GXYLT1: variants seen among roughly 807,000 people sequenced by gnomAD.
GXYLT1 encodes glucoside xylosyltransferase 1.
GXYLT1 carries 29 observed loss-of-function variants against 54.0 expected under a neutral mutation model. The ratio of observed to expected loss-of-function variants is 0.54; its 90% confidence interval spans 0.40 to 0.73. The LOEUF is 0.73. Among genes scored for constraint, GXYLT1 ranks in the 30% least tolerant of loss-of-function variants. The pLI, the probability that GXYLT1 is intolerant of heterozygous loss-of-function variation, is 0.00. For synonymous variants in GXYLT1, 176 were observed against 204.1 expected (o/e 0.86, Z 1.17); for missense variants, 490 against 553.4 (o/e 0.89, Z 1.15).
chr12:42,102,600 A>T (rs561291502), intron 5 of GXYLT1, among the ~76,000 whole-genome samples: 1 of 152,316 alleles, frequency 6.6e-6, no homozygotes, highest in South Asian at 2.1e-4. Flanking sequence ...AGACAAAAAA[A>T]TACTCTACAA....
intron 1 of GXYLT1, among the ~76,000 whole-genome samples, chr12:42,131,321 G>C (rs2065592826): frequency 6.6e-6 from 1 of 152,048 alleles, no homozygotes; most frequent in Admixed American, 6.6e-5. Flanking sequence ...GAGTTACTGT[G>C]CTTATATCAA....
chr12:42,098,782 T>TATATATATATATATAA (rs1374482799), intron 5 of GXYLT1, among the ~76,000 whole-genome samples: 3 of 138,246 alleles, frequency 2.2e-5, no homozygotes, highest in Non-Finnish European at 4.7e-5. Flanking sequence ...TATATATATA[T>TATATATATATATATAA]ATAATACATG....
At chr12:42,130,466 A>G (rs1418998241) in intron 1 of GXYLT1, among the ~76,000 whole-genome samples, 3 of 152,176 alleles carry the variant, frequency 2.0e-5, no homozygotes, top group Non-Finnish European at 2.9e-5. Flanking sequence ...AAAAGGCAAA[A>G]AACAAATCCT....
chr12:42,089,046 C>T (rs897097656), intron 7 of GXYLT1, among the ~76,000 whole-genome samples: 2 of 151,730 alleles, frequency 1.3e-5, no homozygotes, highest in Non-Finnish European at 2.9e-5. Flanking sequence ...AAACTGTAAG[C>T]ATTAACTGCA....
chr12:42,117,764 C>T (rs2065505877), intron 3 of GXYLT1, among the ~76,000 whole-genome samples: 2 of 151,988 alleles, frequency 1.3e-5, no homozygotes, highest in South Asian at 4.1e-4. Context: ...TCTTATTGTA[C>T]AATAATATTT....
chr12:42,140,678 C>T (rs959940575), intron 1 of GXYLT1, among the ~76,000 whole-genome samples: 1 of 152,168 alleles, frequency 6.6e-6, no homozygotes. Flanking sequence ...AATGACAACT[C>T]TATGGCCTAA....
At chr12:42,099,958 T>C (rs1316891745) in intron 5 of GXYLT1, among the ~76,000 whole-genome samples, 1 of 152,214 alleles carries the variant, frequency 6.6e-6, no homozygotes, top group Non-Finnish European at 1.5e-5. Flanking sequence ...TGAAATGAGA[T>C]AAAAATATAA....
intron 3 of GXYLT1, among the ~76,000 whole-genome samples, chr12:42,116,410 C>T (rs1323427884): frequency 6.6e-6 from 1 of 152,036 alleles, no homozygotes; most frequent in East Asian, 1.9e-4. Flanking sequence ...CCAGAATCTA[C>T]AATTAACTCA....
At chr12:42,114,314 C>T (rs1230220174) in intron 3 of GXYLT1, among the ~76,000 whole-genome samples, 1 of 152,116 alleles carries the variant, frequency 6.6e-6, no homozygotes, top group Non-Finnish European at 1.5e-5. Context: ...ACACAAAAAA[C>T]ACGTCAAAAG....
intron 1 of GXYLT1, among the ~76,000 whole-genome samples, chr12:42,130,670 G>C (rs1198288474): frequency 6.6e-6 from 1 of 152,110 alleles, no homozygotes; most frequent in African/African-American, 2.4e-5. Context: ...CACATACACA[G>C]ACAGGCACAG....
In GXYLT1 at chr12:42,110,750, T is replaced by C. The variant is rs563772580; in HGVS notation, c.487-1059A>G. ...TTATTGTAAAATACTAGCACTGTCA[T>C]TTCCCTGCTCCACTTATTAATCACT... On this transcript the variant is annotated intron_variant, in intron 3 of 7. Transcript: ENST00000398675. Among the ~76,000 whole-genome samples the C allele has an allele frequency of 1.2e-3, 189 of 152,340 alleles. 1 individual carries two copies. The highest frequency in any genetic ancestry group is 6.8e-3 in the Middle Eastern group (2 of 294).
In GXYLT1 at chr12:42,086,926, T is replaced by C. The variant is rs752507242; in HGVS notation, c.*860A>G. On this transcript the variant is annotated 3_prime_UTR_variant, in exon 8 of 8. Coordinates refer to ENST00000398675, the MANE Select transcript of GXYLT1 (RefSeq NM_173601.2). ...CCATCACACTTTCCACCATCATGAG[T>C]ATACTCTTAAGGTTCTCACTTTACC... 2 of 152,082 alleles carry C rather than the reference T, an allele frequency of 1.3e-5. No homozygotes were observed. The highest frequency in any genetic ancestry group is 4.8e-5 in the African/African-American group (2 of 41,402). 9.4% of individuals were successfully genotyped at this position (152,082 alleles called of 1,614,324 possible).
At chr12:42,128,788 G>C (rs929799539) in intron 2 of GXYLT1, among the ~76,000 whole-genome samples, 1 of 151,882 alleles carries the variant, frequency 6.6e-6, no homozygotes, top group Non-Finnish European at 1.5e-5. Flanking sequence ...CAACCTCCAC[G>C]GCTCAAGCAA....
intron 2 of GXYLT1, among the ~76,000 whole-genome samples, chr12:42,128,906 G>A (rs1311620213): frequency 6.6e-6 from 1 of 151,946 alleles, no homozygotes; most frequent in Non-Finnish European, 1.5e-5. Flanking sequence ...GAACTCCCGG[G>A]CTCAAGCAAT....
In GXYLT1 at chr12:42,107,993, C is replaced by T. The variant is rs140444839; in HGVS notation, c.612+1573G>A. On this transcript the variant is annotated intron_variant, in intron 4 of 7. Transcript: ENST00000398675. ...GTTTACATTAGTTCTTTTCATGCAT[C>T]TATTTTAAAGGAAGAGAAACTCAGC... 5.6e-3 allele frequency among the ~76,000 whole-genome samples: 850 copies of T among 152,084 alleles called. 6 individuals carry two copies. Among genetic ancestry groups the T allele is most frequent in the Non-Finnish European group, 8.5e-3 (577 of 68,000 alleles).
intron 5 of GXYLT1, among the ~76,000 whole-genome samples, chr12:42,101,724 A>G (rs568411481): frequency 2.0e-4 from 30 of 152,206 alleles, no homozygotes; most frequent in African/African-American, 7.0e-4. Context: ...GGCACCTGCC[A>G]CCATGCCTGG....
chr12:42,105,740 A>T, intron 5 of GXYLT1, 78 bp downstream of exon 5: 1 of 1,065,770 alleles, frequency 9.4e-7, no homozygotes, highest in Non-Finnish European at 1.4e-6. Flanking sequence ...TTTAGTTTTT[A>T]ATAAAATTTA....
At chr12:42,135,304 G>A (rs1319517407) in intron 1 of GXYLT1, among the ~76,000 whole-genome samples, 1 of 152,190 alleles carries the variant, frequency 6.6e-6, no homozygotes, top group Non-Finnish European at 1.5e-5. Context: ...TGTAATGTGT[G>A]CAAGAAATAA....
intron 7 of GXYLT1, among the ~76,000 whole-genome samples, chr12:42,096,104 A>G (rs902637962): frequency 6.6e-6 from 1 of 152,206 alleles, no homozygotes; most frequent in African/African-American, 2.4e-5. Context: ...AGAGTAGAAG[A>G]AAGGAAGAGC....
Sources: allele counts gnomAD v4.1 joint callset (sites outside exome capture counted in the v4.1 genomes callset), GRCh38; gene constraint gnomAD v4.1.1; transcripts MANE v1.5; gene names NCBI Gene and HGNC (gene_info 2026-07-23, HGNC 2026-07-21).